Variants in CNNM2 observed in about 807,000 individuals in gnomAD.
CNNM2 encodes the protein cyclin and CBS domain divalent metal cation transport mediator 2.
Under a neutral mutation model 66.9 loss-of-function variants are expected in CNNM2, and 12 were observed. That is an observed-to-expected ratio of 0.18 (90% CI 0.11 to 0.29). The LOEUF (loss-of-function observed/expected upper bound fraction) is 0.29. Among genes scored for constraint, CNNM2 ranks in the 10% least tolerant of loss-of-function variants. The pLI is 1.00. For synonymous variants in CNNM2, 557 were observed against 501.8 expected (o/e 1.11, Z -1.47); for missense variants, 705 against 1,167.7 (o/e 0.60, Z 5.77).
At position 103,077,185 on chromosome 10, in the gene CNNM2, C is replaced by T. The variant is rs750905764; in HGVS notation, c.*5C>T. The T allele has an allele frequency of 5.0e-6, 8 of 1,611,062 alleles. No individual in the cohort carries two copies. The highest frequency in any genetic ancestry group is 4.5e-5 in the East Asian group (2 of 44,876). On this transcript the variant is annotated 3_prime_UTR_variant, in exon 8 of 8. Coordinates refer to ENST00000369878, the MANE Select transcript of CNNM2 (RefSeq NM_017649.5). ...CACAACGAAGGCGCCATCTAGGCCG[C>T]GCTGGCTGCACCCGCCCAGGCCCGC...
chr10:102,984,682 G>C (rs1248986090), intron 1 of CNNM2, among the ~76,000 whole-genome samples: 3 of 152,000 alleles, frequency 2.0e-5, no homozygotes, highest in Non-Finnish European at 4.4e-5. Context: ...ATTTTTTTGA[G>C]ACGGTCTCAC....
At position 103,069,762 on chromosome 10, in the gene CNNM2, A is replaced by G. The variant is rs149543262; in HGVS notation, c.2167+1040A>G. Reference sequence around the variant, plus strand: ...TGCTATTAATACCTGAGGCAGCCCGAACAGGTCGGGCAGGTCGACAGAGAT... The same window carrying G: ...TGCTATTAATACCTGAGGCAGCCCGGACAGGTCGGGCAGGTCGACAGAGAT... On this transcript the variant is annotated intron_variant, in intron 5 of 7. Transcript: ENST00000369878. 6.2e-3 allele frequency among the ~76,000 whole-genome samples: 941 copies of G among 152,332 alleles called. 15 individuals are homozygous for G. The highest frequency in any genetic ancestry group is 0.021 in the African/African-American group (889 of 41,582).
At chr10:102,989,601 G>A (rs1156491748) in intron 1 of CNNM2, among the ~76,000 whole-genome samples, 4 of 151,852 alleles carry the variant, frequency 2.6e-5, no homozygotes, top group African/African-American at 4.8e-5. Flanking sequence ...TCAAGAGTTC[G>A]AGACCAGCCT....
At chr10:103,047,866 G>T (rs1193018412) in intron 1 of CNNM2, among the ~76,000 whole-genome samples, 1 of 152,128 alleles carries the variant, frequency 6.6e-6, no homozygotes, top group Admixed American at 6.5e-5. Context: ...GTCTTTAATT[G>T]TTGAGAAGCT....
chr10:102,945,472 T>C (rs1306273849), intron 1 of CNNM2, among the ~76,000 whole-genome samples: 1 of 152,178 alleles, frequency 6.6e-6, no homozygotes, highest in Non-Finnish European at 1.5e-5. Context: ...GCATATATTA[T>C]GTTTTCTTTT....
intron 1 of CNNM2, among the ~76,000 whole-genome samples, chr10:102,971,043 C>A (rs1283424857): frequency 2.0e-5 from 3 of 150,790 alleles, no homozygotes; most frequent in Non-Finnish European, 4.4e-5. Flanking sequence ...AAAAAAAAAT[C>A]TAAAAATTAG....
At chr10:102,949,381 G>A (rs1425342509) in intron 1 of CNNM2, among the ~76,000 whole-genome samples, 9 of 151,812 alleles carry the variant, frequency 5.9e-5, no homozygotes, top group African/African-American at 2.2e-4. Context: ...CTCCATGTTG[G>A]TCAGGCTGAT....
chr10:103,011,646 C>CTGTGTGTGTGTGTGTGTG (rs10624803), intron 1 of CNNM2, among the ~76,000 whole-genome samples: 25 of 135,994 alleles, frequency 1.8e-4, no homozygotes, highest in African/African-American at 6.4e-4. Flanking sequence ...AATACTTGCA[C>CTGTGTGTGTGTGTGTGTG]TGTGTGTGTG....
intron 6 of CNNM2, among the ~76,000 whole-genome samples, chr10:103,074,648 C>T (rs753558027): frequency 4.5e-4 from 69 of 151,998 alleles, no homozygotes; most frequent in Non-Finnish European, 7.4e-4. Context: ...GGCTGGGCAA[C>T]ATGGCAAAAA....
intron 1 of CNNM2, among the ~76,000 whole-genome samples, chr10:103,039,473 C>T (rs942761490): frequency 1.2e-4 from 18 of 152,160 alleles, no homozygotes; most frequent in African/African-American, 4.1e-4. Flanking sequence ...AGTCCGAAGA[C>T]TTGCAAGGCA....
chr10:103,074,543 G>A (rs1416067542), intron 6 of CNNM2, among the ~76,000 whole-genome samples: 1 of 152,076 alleles, frequency 6.6e-6, no homozygotes, highest in Admixed American at 6.5e-5. Flanking sequence ...AAAATTTTAG[G>A]AGAAAGTGGC....
At chr10:103,053,605 T>A (rs2065251003) in intron 2 of CNNM2, among the ~76,000 whole-genome samples, 1 of 152,128 alleles carries the variant, frequency 6.6e-6, no homozygotes, top group Non-Finnish European at 1.5e-5. Context: ...ATAAAGAAAG[T>A]TTGATTGGAA....
intron 1 of CNNM2, among the ~76,000 whole-genome samples, chr10:103,043,907 G>A (rs1564858276): frequency 6.6e-6 from 1 of 152,084 alleles, no homozygotes; most frequent in Non-Finnish European, 1.5e-5. Flanking sequence ...AGGAGGAGAA[G>A]GGCTAGGAAT....
chr10:102,985,404 G>A (rs2063780802), intron 1 of CNNM2, among the ~76,000 whole-genome samples: 1 of 152,136 alleles, frequency 6.6e-6, no homozygotes, highest in South Asian at 2.1e-4. Context: ...GAGAATTTCT[G>A]TGTCAACATC....
intron 1 of CNNM2, among the ~76,000 whole-genome samples, chr10:102,924,923 A>T (rs1474208353): frequency 6.6e-6 from 1 of 152,232 alleles, no homozygotes; most frequent in African/African-American, 2.4e-5. Context: ...TGAAATATCC[A>T]GATAATACAG....
chr10:102,931,224 C>A (rs1177341727), intron 1 of CNNM2, among the ~76,000 whole-genome samples: 2 of 152,060 alleles, frequency 1.3e-5, no homozygotes, highest in Non-Finnish European at 2.9e-5. Flanking sequence ...AAATAATGAG[C>A]AATACTAAAG....
rs943038 is a variant in CNNM2, at chr10:103,066,504, T to C, written c.2074-2125T>C. ...TGTTCCTCCACCCAGGACCCAACCC[T>C]GCCAGCCCATTGCCTGGGGATCTGC... On this transcript the variant is annotated intron_variant, in intron 4 of 7. Transcript: ENST00000369878. Among the ~76,000 whole-genome samples, 61,531 of 151,964 alleles carry C rather than the reference T, an allele frequency of 0.4. 12,643 individuals carry two copies. Among genetic ancestry groups the C allele is most frequent in the East Asian group, 0.56 (2,887 of 5,154 alleles).
At chr10:102,975,823 A>G (rs568154271) in intron 1 of CNNM2, among the ~76,000 whole-genome samples, 8 of 152,206 alleles carry the variant, frequency 5.3e-5, no homozygotes, top group Admixed American at 3.3e-4. Context: ...AATTAAAACT[A>G]TGAGAAAACT....
chr10:102,948,939 A>G (rs1314089477), intron 1 of CNNM2, among the ~76,000 whole-genome samples: 1 of 152,128 alleles, frequency 6.6e-6, no homozygotes, highest in Non-Finnish European at 1.5e-5. Context: ...AAAGTCAAAG[A>G]TCATGCAGTT....
Sources: gnomAD v4.1 joint callset for allele counts (sites outside exome capture counted in the v4.1 genomes callset) on GRCh38, gnomAD v4.1.1 for gene constraint, MANE v1.5 for transcripts, NCBI Gene and HGNC (gene_info 2026-07-23, HGNC 2026-07-21) for gene names.